The following COL25A1 variants were observed in gnomAD, a reference collection of about 807,000 sequenced individuals.
COL25A1 encodes collagen type XXV alpha 1 chain.
A neutral mutation model predicts 128.4 loss-of-function variants in COL25A1; 103 were observed. That is an observed-to-expected ratio of 0.80 (90% CI 0.68 to 0.94). The LOEUF is 0.94. Among genes scored for constraint, COL25A1 ranks in the 40% least tolerant of loss-of-function variants. COL25A1 has a pLI of 0.00. For missense variants in COL25A1, 745 were observed against 840.0 expected (o/e 0.89, Z 1.40); for synonymous variants, 279 against 277.2 (o/e 1.01, Z -0.06).
At chr4:109,139,953 C>T (rs1230905686) in intron 3 of COL25A1, among the ~76,000 whole-genome samples, 13 of 151,894 alleles carry the variant, frequency 8.6e-5, no homozygotes, top group South Asian at 2.1e-4. Context: ...GATAGTTTGC[C>T]GAGAATGATG....
chr4:108,863,098 C>A (rs960068052), intron 21 of COL25A1, among the ~76,000 whole-genome samples: 2 of 152,148 alleles, frequency 1.3e-5, no homozygotes, highest in Non-Finnish European at 2.9e-5. Context: ...ACTTCTTTTA[C>A]ATTTGGATAT....
At position 109,108,566 on chromosome 4, in the gene COL25A1, A is replaced by T. The variant is rs369279192; in HGVS notation, c.368-58387T>A. On this transcript the variant is annotated intron_variant, in intron 3 of 37. Transcript: ENST00000399132. The stretch of plus-strand genomic sequence containing the variant: ...TACCTAGTAATGGGATGGCTGGGTC[A>T]AATGGTATTTCTAGTTCTAGATCCT... Among the ~76,000 whole-genome samples, 31 of 152,158 alleles carry T rather than the reference A, an allele frequency of 2.0e-4. 1 individual carries two copies. The highest frequency in any genetic ancestry group is 1.5e-3 in the East Asian group (8 of 5,188).
intron 3 of COL25A1, among the ~76,000 whole-genome samples, chr4:109,095,546 A>G (rs529612383): frequency 6.6e-6 from 1 of 152,324 alleles, no homozygotes; most frequent in East Asian, 1.9e-4. Flanking sequence ...ACATGCAGCC[A>G]GTATGTCAGG....
At chr4:108,947,031 G>A (rs1748841641) in intron 8 of COL25A1, among the ~76,000 whole-genome samples, 2 of 152,134 alleles carry the variant, frequency 1.3e-5, no homozygotes, top group Admixed American at 1.3e-4. Context: ...GGGAACACAA[G>A]GAAGAGGCTT....
In COL25A1 at chr4:109,229,243, T is replaced by C. The variant is rs144586257; in HGVS notation, c.367+71340A>G. On this transcript the variant is annotated intron_variant, in intron 3 of 37. Transcript: ENST00000399132. ...GTCACGTGACTCCAACATGACAAAC[T>C]TATTCTTGTTATTTGCAAAAGTTAT... Among the ~76,000 whole-genome samples, 1,002 of 152,336 alleles carry C rather than the reference T, an allele frequency of 6.6e-3. 9 individuals are homozygous for C. The highest frequency in any genetic ancestry group is 0.012 in the Non-Finnish European group (796 of 68,020).
intron 32 of COL25A1, among the ~76,000 whole-genome samples, chr4:108,831,927 AT>A (rs1733172668): frequency 6.6e-6 from 1 of 152,184 alleles, no homozygotes; most frequent in Non-Finnish European, 1.5e-5. Flanking sequence ...AAGGGGGAGC[AT>A]TTGTAACTGT....
chr4:109,194,671 C>T (rs1029286507), intron 3 of COL25A1, among the ~76,000 whole-genome samples: 1 of 152,072 alleles, frequency 6.6e-6, no homozygotes, highest in African/African-American at 2.4e-5. Flanking sequence ...ACTTTGTTCT[C>T]ATCAAAAGGA....
chr4:108,899,952 T>C (rs1307981192), intron 14 of COL25A1, among the ~76,000 whole-genome samples: 5 of 152,154 alleles, frequency 3.3e-5, no homozygotes, highest in Non-Finnish European at 7.4e-5. Context: ...AAGTAAATCA[T>C]ATACATTATG....
At chr4:109,009,721 T>C (rs183239555) in intron 6 of COL25A1, among the ~76,000 whole-genome samples, 77 of 152,314 alleles carry the variant, frequency 5.1e-4, no homozygotes, top group African/African-American at 1.4e-3. Context: ...AGTATTGATA[T>C]TGAATTTGTT....
chr4:108,895,963 T>TTTTC (rs1742075651), intron 16 of COL25A1, among the ~76,000 whole-genome samples: 1 of 142,856 alleles, frequency 7.0e-6, no homozygotes, highest in Non-Finnish European at 1.5e-5. Context: ...TTTTTTTTTT[T>TTTTC]GAGACAGAGT....
intron 3 of COL25A1, among the ~76,000 whole-genome samples, chr4:109,111,612 C>G (rs1224293536): frequency 6.6e-6 from 1 of 152,170 alleles, no homozygotes; most frequent in African/African-American, 2.4e-5. Context: ...TGGATAATGG[C>G]TGGACCTTCT....
At chr4:109,254,469 T>TTATATATATATATATATATATA (rs55997800) in intron 3 of COL25A1, among the ~76,000 whole-genome samples, 59 of 59,530 alleles carry the variant, frequency 9.9e-4, no homozygotes, top group East Asian at 1.9e-3. Context: ...AGGCATATGT[T>TTATATATATATATATATATATA]TATATATATA....
At chr4:108,900,792 T>C (rs1362128708) in intron 14 of COL25A1, among the ~76,000 whole-genome samples, 3 of 152,114 alleles carry the variant, frequency 2.0e-5, no homozygotes, top group African/African-American at 7.2e-5. Flanking sequence ...AATATGGACA[T>C]GACCTATGTT....
intron 37 of COL25A1, 49 bp from the exon 38 acceptor site, chr4:108,813,978 G>A (rs759380524): frequency 4.2e-6 from 6 of 1,411,906 alleles, no homozygotes; most frequent in African/African-American, 1.4e-5. Flanking sequence ...TAGTAGTCTT[G>A]AATTAAAATT....
intron 3 of COL25A1, among the ~76,000 whole-genome samples, chr4:109,141,676 C>T (rs1030574359): frequency 1.3e-5 from 2 of 152,114 alleles, no homozygotes; most frequent in African/African-American, 4.8e-5. Context: ...GTGTATGTGT[C>T]CAGGAATTTA....
intron 3 of COL25A1, among the ~76,000 whole-genome samples, chr4:109,187,757 T>A (rs1471411606): frequency 6.6e-6 from 1 of 152,146 alleles, no homozygotes; most frequent in Non-Finnish European, 1.5e-5. Flanking sequence ...AAAATCAGCT[T>A]TCCCCTTGCC....
At chr4:109,287,218 T>A (rs897644644) in intron 3 of COL25A1, among the ~76,000 whole-genome samples, 21 of 152,182 alleles carry the variant, frequency 1.4e-4, no homozygotes, top group Non-Finnish European at 1.3e-4. Flanking sequence ...TAATTATTAA[T>A]TCTATTGCAG....
intron 35 of COL25A1, among the ~76,000 whole-genome samples, chr4:108,821,667 T>G (rs1731784028): frequency 6.6e-6 from 1 of 152,168 alleles, no homozygotes; most frequent in Admixed American, 6.5e-5. Context: ...CAGTAATATT[T>G]TAGTGAGCCT....
chr4:109,020,228 A>T (rs890519788), intron 5 of COL25A1, among the ~76,000 whole-genome samples: 1 of 152,218 alleles, frequency 6.6e-6, no homozygotes, highest in African/African-American at 2.4e-5. Context: ...TGAGATAAAC[A>T]TTATTAATAA....
Sources: gnomAD v4.1 joint callset for allele counts (sites outside exome capture counted in the v4.1 genomes callset) on GRCh38, gnomAD v4.1.1 for gene constraint, MANE v1.5 for transcripts, NCBI Gene and HGNC (gene_info 2026-07-23, HGNC 2026-07-21) for gene names.